Variants in PREX2 observed in about 807,000 individuals in gnomAD.
The protein encoded by PREX2 is phosphatidylinositol-3,4,5-trisphosphate dependent Rac exchange factor 2.
A neutral mutation model predicts 203.2 loss-of-function variants in PREX2; 107 were observed. The observed-to-expected ratio is 0.53, with a 90% CI of 0.45 to 0.62. The LOEUF (loss-of-function observed/expected upper bound fraction) is 0.62, where lower values mean the gene tolerates loss of function less well. Ranked by LOEUF, PREX2 falls within the 20% of genes least tolerant of loss-of-function variation. The pLI is 0.00. For synonymous variants in PREX2, 672 were observed against 663.6 expected (o/e 1.01, Z -0.19); for missense variants, 1,777 against 1,955.9 (o/e 0.91, Z 1.72).
intron 1 of PREX2, among the ~76,000 whole-genome samples, chr8:67,988,442 G>A (rs944866563): frequency 6.6e-6 from 1 of 152,176 alleles, no homozygotes; most frequent in Non-Finnish European, 1.5e-5. Flanking sequence ...CCTCACCAGA[G>A]ATGAATGAAA....
rs1288089297 is a variant in PREX2 at position 68,093,594 on chromosome 8, C to G, written c.2251-11C>G. The G allele has an allele frequency of 2.1e-6, 3 of 1,416,768 alleles. No homozygotes were observed. The highest frequency in any genetic ancestry group is 1.2e-5 in the South Asian group (1 of 80,868). The allele number at this position is 1,416,768 out of a possible 1,614,324, so 87.8% of individuals were successfully genotyped here. The stretch of plus-strand genomic sequence containing the variant: ...AATACCTCTGAGGTTTCTTTCCCCC[C>G]TCATTTCCAGCAAGATTCCATACAA... On this transcript the variant is annotated splice_polypyrimidine_tract_variant and intron_variant, in intron 20 of 39. Transcript: ENST00000288368.
chr8:68,168,080 T>C (rs1020840126), intron 35 of PREX2, among the ~76,000 whole-genome samples: 3 of 152,228 alleles, frequency 2.0e-5, no homozygotes, highest in Non-Finnish European at 4.4e-5. Context: ...TATTTATGGT[T>C]ATTACAGAAT....
At chr8:67,997,289 G>T (rs970988998) in intron 1 of PREX2, among the ~76,000 whole-genome samples, 1 of 151,700 alleles carries the variant, frequency 6.6e-6, no homozygotes, top group Admixed American at 6.6e-5. Context: ...TGGAGGAAAC[G>T]TCCCAAGACC....
chr8:68,087,892 C>G (rs1450600366), intron 19 of PREX2, 83 bp downstream of exon 19: 2 of 859,348 alleles, frequency 2.3e-6, no homozygotes, highest in African/African-American at 3.3e-5. Flanking sequence ...TTAAAATAGG[C>G]AGAACCATGC....
chr8:68,110,885 T>C (rs1431662364), intron 25 of PREX2: 2 of 355,912 alleles, frequency 5.6e-6, no homozygotes, highest in South Asian at 2.2e-5. Flanking sequence ...TTTCTATTTC[T>C]AATATGCTAG....
At chr8:68,192,154 A>G (rs975960263) in intron 36 of PREX2, among the ~76,000 whole-genome samples, 181 bp from the exon 37 acceptor site, 1 of 152,218 alleles carries the variant, frequency 6.6e-6, no homozygotes, top group African/African-American at 2.4e-5. Flanking sequence ...TATTGGCTGT[A>G]TAATATCATA....
rs117253988 is a variant in PREX2 at position 68,086,201 on chromosome 8, A to G, written c.2028-1523A>G. Reference sequence around the variant, plus strand: ...CATACAGATAACTTCATAGTGTATAACCTAATTTATAATAATACTTTCAAG... The same window carrying G: ...CATACAGATAACTTCATAGTGTATAGCCTAATTTATAATAATACTTTCAAG... On this transcript the variant is annotated intron_variant, in intron 18 of 39. Transcript: ENST00000288368. Among the ~76,000 whole-genome samples the G allele has an allele frequency of 3.9e-4, 60 of 152,306 alleles. No individual in the cohort carries two copies. The East Asian group carries it at 0.011, about 29-fold the overall frequency.
rs182310277 is a variant in PREX2 at position 68,162,029 on chromosome 8, A to C, written c.4346+4593A>C. 1.1e-3 allele frequency among the ~76,000 whole-genome samples: 166 copies of C among 152,252 alleles called. 1 individual carries two copies. Among genetic ancestry groups the C allele is most frequent in the Non-Finnish European group, 2.0e-3 (139 of 68,022 alleles). On this transcript the variant is annotated intron_variant, in intron 35 of 39. Transcript: ENST00000288368. ...GAACCCCCATTTAGAAAACCATCAG[A>C]TCTCTTGAGATTTATTCAATATCAT...
chr8:68,196,796 A>G (rs1210150582), intron 37 of PREX2, among the ~76,000 whole-genome samples: 1 of 150,768 alleles, frequency 6.6e-6, no homozygotes, highest in Non-Finnish European at 1.5e-5. Flanking sequence ...ACCTTCCACC[A>G]TGATTGTAAG....
intron 37 of PREX2, among the ~76,000 whole-genome samples, chr8:68,210,281 T>G (rs1196885923): frequency 6.6e-6 from 1 of 152,192 alleles, no homozygotes; most frequent in East Asian, 1.9e-4. Context: ...AACATCTACA[T>G]AATGTCAATT....
intron 37 of PREX2, among the ~76,000 whole-genome samples, chr8:68,212,487 A>G (rs1478925285): frequency 6.6e-6 from 1 of 152,244 alleles, no homozygotes; most frequent in Non-Finnish European, 1.5e-5. Flanking sequence ...AAGAATTTAG[A>G]AAATTACAAA....
At chr8:68,196,499 A>G (rs1010378012) in intron 37 of PREX2, among the ~76,000 whole-genome samples, 2 of 149,694 alleles carry the variant, frequency 1.3e-5, no homozygotes, top group African/African-American at 2.4e-5. Context: ...ATGTACATAT[A>G]TATAGTGTCT....
chr8:67,965,275 A>G (rs1805734568), intron 1 of PREX2, among the ~76,000 whole-genome samples: 1 of 152,236 alleles, frequency 6.6e-6, no homozygotes, highest in Non-Finnish European at 1.5e-5. Context: ...ATATCTGTTA[A>G]TATATGTTGG....
intron 6 of PREX2, among the ~76,000 whole-genome samples, chr8:68,030,893 T>A (rs1401954363): frequency 1.3e-5 from 2 of 152,128 alleles, no homozygotes; most frequent in Non-Finnish European, 2.9e-5. Flanking sequence ...ATAGATACTA[T>A]GTGGGCTATA....
chr8:68,053,519 G>A (rs1361256757), intron 9 of PREX2, among the ~76,000 whole-genome samples: 2 of 152,068 alleles, frequency 1.3e-5, no homozygotes, highest in Middle Eastern at 3.2e-3. Flanking sequence ...TTATGTTATG[G>A]CTGGTAGTGT....
intron 1 of PREX2, among the ~76,000 whole-genome samples, chr8:67,981,420 T>TA (rs1806267549): frequency 6.6e-6 from 1 of 152,202 alleles, no homozygotes; most frequent in South Asian, 2.1e-4. Flanking sequence ...ACAGGCTATT[T>TA]ACCCTCTAAT....
At chr8:68,137,744 A>G (rs1811141171) in intron 32 of PREX2, among the ~76,000 whole-genome samples, 1 of 152,178 alleles carries the variant, frequency 6.6e-6, no homozygotes. Flanking sequence ...ACACACACTA[A>G]CTTTTTTAAT....
rs1424512787 is a variant in PREX2 at position 68,182,699 on chromosome 8, A to G, written c.4347-9023A>G. 2.6e-5 allele frequency among the ~76,000 whole-genome samples: 4 copies of G among 152,078 alleles called. No homozygotes were observed. In the East Asian group the frequency reaches 7.8e-4, roughly 30 times the overall value. On this transcript the variant is annotated intron_variant, in intron 35 of 39. Transcript: ENST00000288368. ...TTCGATTCAGTTCAATACTACATTAAGAAGTATTAGGTACATGCCATGTTT... is the reference window on the plus strand; with the variant it reads ...TTCGATTCAGTTCAATACTACATTAGGAAGTATTAGGTACATGCCATGTTT...
intron 23 of PREX2, among the ~76,000 whole-genome samples, chr8:68,100,908 G>A (rs918156482): frequency 6.6e-6 from 1 of 152,168 alleles, no homozygotes; most frequent in Non-Finnish European, 1.5e-5. Context: ...GTTGAATGAT[G>A]TTGATGGCTT....
Sources: gnomAD v4.1 joint callset for allele counts (sites outside exome capture counted in the v4.1 genomes callset) on GRCh38, gnomAD v4.1.1 for gene constraint, MANE v1.5 for transcripts, NCBI Gene and HGNC (gene_info 2026-07-23, HGNC 2026-07-21) for gene names.